ADPRHL1: variants seen among roughly 807,000 people sequenced by gnomAD.
The protein encoded by ADPRHL1 is ADP-ribosylhydrolase like 1, also known as inactive ADP-ribosyltransferase ARH2.
Under a neutral mutation model 44.1 loss-of-function variants are expected in ADPRHL1, and 43 were observed. The observed-to-expected ratio is 0.98, with a 90% CI of 0.76 to 1.26. The LOEUF (loss-of-function observed/expected upper bound fraction) is 1.26, where lower values mean the gene tolerates loss of function less well. Among genes scored for constraint, ADPRHL1 ranks in the 50% most tolerant of loss-of-function variants. The pLI, the probability that ADPRHL1 is intolerant of heterozygous loss-of-function variation, is 0.00. For synonymous variants in ADPRHL1, 878 were observed against 1,017.4 expected, an observed-to-expected ratio of 0.86 and a Z score of 2.61; for missense variants, 2,022 against 2,496.9, an observed-to-expected ratio of 0.81 and a Z score of 4.05.
intron 7 of ADPRHL1, among the ~76,000 whole-genome samples, chr13:113,420,246 T>G (rs1463134656): frequency 6.6e-6 from 1 of 152,182 alleles, no homozygotes; most frequent in African/African-American, 2.4e-5. Flanking sequence ...AACAGGAAAG[T>G]GAAGCAAGGC....
At chr13:113,422,754 G>A (rs2043934931) in intron 7 of ADPRHL1, 72 bp downstream of exon 7, 14 of 1,580,724 alleles carry the variant, frequency 8.9e-6, no homozygotes, top group Non-Finnish European at 1.1e-5. Flanking sequence ...TCACCCAGGG[G>A]CTGCGAGAGG....
At chr13:113,427,528 C>T (rs115214848) in intron 4 of ADPRHL1, among the ~76,000 whole-genome samples, 1,612 of 152,246 alleles carry the variant, frequency 0.011, 35 homozygotes, top group African/African-American at 0.037. Context: ...CACGCCCGGC[C>T]TCTTTTTTCT....
At chr13:113,448,361 G>A (rs1294813629) in intron 1 of ADPRHL1, among the ~76,000 whole-genome samples, 5 of 150,898 alleles carry the variant, frequency 3.3e-5, no homozygotes, top group South Asian at 2.1e-4. Flanking sequence ...AGCCTCTCAG[G>A]AGGCTGAGGC....
rs941423956 is a variant in ADPRHL1, at chr13:113,405,379, G to A, written c.3903C>T (p.Gly1301=). The change falls in exon 8 of 8, where the codon GGC becomes GGT. Residue 1301 remains glycine (G), a synonymous_variant. Coordinates refer to ENST00000612156, the MANE Select transcript of ADPRHL1 (RefSeq NM_001394807.1). Reference sequence around the variant, plus strand: ...GCTCCGCCCCACGGGGAAACCTGACGCCCTCCCTGCCCTTTGCCTGTGGGT... The same window carrying A: ...GCTCCGCCCCACGGGGAAACCTGACACCCTCCCTGCCCTTTGCCTGTGGGT... The part of the protein sequence containing the change: ...PENPQAKGRE[G]VRFPRGAEPD... 9.8e-5 allele frequency: 121 copies of A among 1,231,758 alleles called. No homozygotes were observed. The highest frequency in any genetic ancestry group is 1.1e-4 in the Non-Finnish European group (112 of 988,062). 76.3% of individuals were successfully genotyped at this position (1,231,758 alleles called of 1,614,324 possible). A position where few individuals can be genotyped will look rare whatever the true frequency, so the allele number is the denominator to read the frequency against.
At chr13:113,450,899 C>T (rs900661761) in intron 1 of ADPRHL1, among the ~76,000 whole-genome samples, 5 of 152,090 alleles carry the variant, frequency 3.3e-5, no homozygotes, top group Non-Finnish European at 4.4e-5. Context: ...ATGTCAGGCC[C>T]TCCACAAGAG....
intron 2 of ADPRHL1, among the ~76,000 whole-genome samples, chr13:113,434,477 C>G (rs561172010): frequency 4.1e-4 from 56 of 135,318 alleles, no homozygotes; most frequent in African/African-American, 1.4e-3. Flanking sequence ...CCAGCACCCA[C>G]ACGTAGAGTG....
chr13:113,422,878 C>T lies in ADPRHL1; in HGVS notation c.1009G>A (p.Glu337Lys). 6.2e-7 allele frequency: 1 copy of T among 1,612,966 alleles called. No individual in the cohort carries two copies. The highest frequency in any genetic ancestry group is 8.5e-7 in the Non-Finnish European group (1 of 1,179,988). Reference protein sequence around the residue: ...KGLYQDLEDKEKLEDLGAALY... With the variant: ...KGLYQDLEDKKKLEDLGAALY... ...GCCGCGCCCAGGTCCTCCAGCTTCTCCTTGTCCTCCAGGTCCTGGTACAAG... is the reference window on the plus strand; with the variant it reads ...GCCGCGCCCAGGTCCTCCAGCTTCTTCTTGTCCTCCAGGTCCTGGTACAAG... The change falls in exon 7 of 8, where the codon GAG becomes AAG. Residue 337 changes from glutamate to lysine, a missense_variant. By Grantham distance (56) the Glu-to-Lys change is moderately conservative. Around this residue, in one of 8 missense-constraint regions of ADPRHL1, gnomAD observed 1,221 missense variants for 1,517.8 expected, o/e 0.80. Transcript: ENST00000612156.
chr13:113,417,109 G>A (rs933575748), intron 7 of ADPRHL1, among the ~76,000 whole-genome samples: 5 of 152,252 alleles, frequency 3.3e-5, no homozygotes, highest in African/African-American at 1.2e-4. Context: ...CAGCACAGAC[G>A]GCTGCTGGGA....
intron 6 of ADPRHL1, 58 bp from the exon 7 acceptor site, chr13:113,423,037 C>T: frequency 6.2e-7 from 1 of 1,603,310 alleles, no homozygotes; most frequent in Non-Finnish European, 8.5e-7. Flanking sequence ...CTCTGCAAGA[C>T]CCCTGGGGCT....
chr13:113,430,401 G>A (rs1441799377), intron 3 of ADPRHL1, among the ~76,000 whole-genome samples: 1 of 152,212 alleles, frequency 6.6e-6, no homozygotes, highest in South Asian at 2.1e-4. Context: ...GCCGCTGCGG[G>A]TCAGTAGTGG....
At chr13:113,431,057 T>A (rs181906478) in intron 3 of ADPRHL1, among the ~76,000 whole-genome samples, 3,264 of 152,270 alleles carry the variant, frequency 0.021, 121 homozygotes, top group East Asian at 0.13. Flanking sequence ...CAGAAGGTTC[T>A]GCTGTGGACC....
rs1206748830 is a variant in ADPRHL1 at position 113,400,283 on chromosome 13, C to G, written c.*3095G>C. On this transcript the variant is annotated 3_prime_UTR_variant, in exon 8 of 8. Coordinates refer to ENST00000612156, the MANE Select transcript of ADPRHL1 (RefSeq NM_001394807.1). ...GTCTCAGGCTCCCGAGTAGCTGGGA[C>G]TACAGGCACCCACCACCACGCCCGG... is the stretch of plus-strand genomic sequence containing the variant. The G allele has an allele frequency of 1.3e-5, 2 of 149,686 alleles. No homozygotes were observed. Among genetic ancestry groups the G allele is most frequent in the African/African-American group, 4.9e-5 (2 of 40,788 alleles). The allele number at this position is 149,686 out of a possible 1,614,324, so 9.3% of individuals were successfully genotyped here.
At chr13:113,423,989 G>A (rs1281687448) in intron 6 of ADPRHL1, among the ~76,000 whole-genome samples, 3 of 152,234 alleles carry the variant, frequency 2.0e-5, no homozygotes, top group Admixed American at 6.5e-5. Flanking sequence ...GGCACCTGCA[G>A]CTGCACCTGT....
intron 3 of ADPRHL1, 66 bp from the exon 4 acceptor site, chr13:113,429,158 C>G (rs74520894): frequency 1.9e-6 from 3 of 1,555,660 alleles, no homozygotes; most frequent in African/African-American, 1.4e-5. Context: ...TGGGGCCGCC[C>G]GCCACGCTGC....
rs1409405014 is a variant in ADPRHL1 at position 113,400,727 on chromosome 13, T to C, written c.*2651A>G. ...TTTTTTCCTGCACACAGAGTAGCTGTGCTGTTTTTGAGCTGAGGGCAGTGT... is the reference window on the plus strand; with the variant it reads ...TTTTTTCCTGCACACAGAGTAGCTGCGCTGTTTTTGAGCTGAGGGCAGTGT... On this transcript the variant is annotated 3_prime_UTR_variant, in exon 8 of 8. Transcript: ENST00000612156. 1 of 152,246 alleles carries C rather than the reference T, an allele frequency of 6.6e-6. No individual in the cohort carries two copies. The highest frequency in any genetic ancestry group is 6.5e-5 in the Admixed American group (1 of 15,284). 9.4% of individuals were successfully genotyped at this position (152,246 alleles called of 1,614,324 possible).
chr13:113,440,876 G>A (rs1450314020), intron 2 of ADPRHL1, among the ~76,000 whole-genome samples: 1 of 152,160 alleles, frequency 6.6e-6, no homozygotes, highest in African/African-American at 2.4e-5. Flanking sequence ...TCCTTGGCTA[G>A]GCACAGTGGC....
At chr13:113,448,250 T>G (rs1319005759) in intron 1 of ADPRHL1, among the ~76,000 whole-genome samples, 1 of 151,796 alleles carries the variant, frequency 6.6e-6, no homozygotes, top group East Asian at 1.9e-4. Flanking sequence ...ATCCCAGCAC[T>G]TTGGGAGGCT....
rs2043754619 is a variant in ADPRHL1 at position 113,400,711 on chromosome 13, GCA to G, written c.*2665_*2666del. ...GTGAAGTCACTGGCAGTTTTTTCCT[GCA>G]CACAGAGTAGCTGTGCTGTTTTTGA... is the stretch of plus-strand genomic sequence containing the variant. On this transcript the variant is annotated 3_prime_UTR_variant, in exon 8 of 8. Transcript: ENST00000612156. 6.6e-6 allele frequency: 1 copy of G among 152,234 alleles called. No homozygotes were observed. The highest frequency in any genetic ancestry group is 2.4e-5 in the African/African-American group (1 of 41,452). The allele number at this position is 152,234 out of a possible 1,614,324, so 9.4% of individuals were successfully genotyped here. A position where few individuals can be genotyped will look rare whatever the true frequency, so the allele number is the denominator to read the frequency against.
At chr13:113,414,148 C>T (rs1439912694) in intron 7 of ADPRHL1, among the ~76,000 whole-genome samples, 3 of 152,086 alleles carry the variant, frequency 2.0e-5, no homozygotes, top group South Asian at 4.1e-4. Context: ...AGGGCAGGGC[C>T]GGTTTCACGT....
Sources: gnomAD v4.1 joint callset for allele counts (sites outside exome capture counted in the v4.1 genomes callset) on GRCh38, gnomAD v4.1.1 for gene constraint, gnomAD v4.1.1 regional missense constraint, MANE v1.5 for transcripts, NCBI Gene and HGNC (gene_info 2026-07-23, HGNC 2026-07-21) for gene names.